TET2: variants seen among roughly 807,000 people sequenced by gnomAD.
The protein encoded by TET2 is tet methylcytosine dioxygenase 2.
A neutral mutation model predicts 142.9 loss-of-function variants in TET2; 299 were observed. The ratio of observed to expected loss-of-function variants is 2.09; its 90% CI spans 1.90 to 2.30. The LOEUF (loss-of-function observed/expected upper bound fraction) is 2.30. Ranked by LOEUF, TET2 falls within the 30% of genes most tolerant of loss-of-function variation. The pLI, the probability that TET2 is intolerant of heterozygous loss-of-function variation, is 0.00. For missense variants in TET2, 2,418 were observed against 2,378.0 expected, an observed-to-expected ratio of 1.02 and a Z score of -0.35; for synonymous variants, 819 against 849.0, an observed-to-expected ratio of 0.96 and a Z score of 0.61.
chr4:105,239,136 A>G, intron 3 of TET2: 1 of 235,104 alleles, frequency 4.3e-6, no homozygotes. Flanking sequence ...TCAGTAAACT[A>G]TGTTGTAAAA....
At chr4:105,214,525 G>A (rs1332954092) in intron 2 of TET2, among the ~76,000 whole-genome samples, 1 of 129,694 alleles carries the variant, frequency 7.7e-6, no homozygotes, top group Non-Finnish European at 1.6e-5. Flanking sequence ...TGCCCAGTCT[G>A]GCCTCCAGCT....
intron 6 of TET2, among the ~76,000 whole-genome samples, chr4:105,249,097 A>G (rs142690163): frequency 6.0e-5 from 9 of 149,460 alleles, no homozygotes; most frequent in African/African-American, 2.0e-4. Flanking sequence ...GTGCAACCTC[A>G]GCTCACTGCA....
In TET2 at chr4:105,243,641, G is replaced by A. The variant is rs2110254984; in HGVS notation, c.3666G>A (p.Glu1222=). 1 of 1,551,616 alleles carries A rather than the reference G, an allele frequency of 6.4e-7. No homozygotes were observed. Among genetic ancestry groups the A allele is most frequent in the South Asian group, 1.2e-5 (1 of 84,046 alleles). The change falls in exon 6 of 11, where the codon GAG becomes GAA. Residue 1222 remains glutamate, a synonymous_variant. Coordinates refer to ENST00000380013, the MANE Select transcript of TET2 (RefSeq NM_001127208.3). ...LVRERAGHTC[E]AAVIVILILV... ...GGGAGCGAGCTGGCCACACCTGTGA[G>A]GCTGCAGTGATTGTGATTCTCATCC...
chr4:105,163,289 CATTGCCACCTGG>C (rs1242096549), intron 1 of TET2, among the ~76,000 whole-genome samples: 1 of 152,120 alleles, frequency 6.6e-6, no homozygotes, highest in African/African-American at 2.4e-5. Context: ...GCTTATAAGA[CATTGCCACCTGG>C]ATTGCCACCA....
At position 105,272,921 on chromosome 4, in the gene TET2, A is replaced by C; in HGVS notation, c.4537+3A>C. 6.6e-7 allele frequency: 1 copy of C among 1,517,442 alleles called. No homozygotes were observed. The highest frequency in any genetic ancestry group is 8.8e-7 in the Non-Finnish European group (1 of 1,132,452). 94.0% of individuals were successfully genotyped at this position (1,517,442 alleles called of 1,614,324 possible). On this transcript the variant is annotated splice_donor_region_variant and intron_variant, in intron 10 of 10. Coordinates refer to ENST00000380013, the MANE Select transcript of TET2 (RefSeq NM_001127208.3). ...AAGCCAGGCTAAACAGTTGGCAGGT[A>C]AATTTAATGTAAAGCATTTGTAGAT...
chr4:105,209,983 T>C (rs2110541404), intron 2 of TET2, among the ~76,000 whole-genome samples: 1 of 152,290 alleles, frequency 6.6e-6, no homozygotes, highest in Non-Finnish European at 1.5e-5. Flanking sequence ...AATAAGAACA[T>C]AGAACCGATA....
chr4:105,276,798 C>A lies in TET2; in HGVS notation c.*279C>A. 1 of 352,306 alleles carries A rather than the reference C, an allele frequency of 2.8e-6. No homozygotes were observed. Among genetic ancestry groups the A allele is most frequent in the Non-Finnish European group, 5.2e-6 (1 of 191,356 alleles). 21.8% of individuals were successfully genotyped at this position (352,306 alleles called of 1,614,324 possible). A position where few individuals can be genotyped will look rare whatever the true frequency, so the allele number is the denominator to read the frequency against. ...GTGTTCCGCAATTTACATTTTTAAA[C>A]ACTGGTTCTATTATTGGACGAGATG... On this transcript the variant is annotated 3_prime_UTR_variant, in exon 11 of 11. Transcript: ENST00000380013.
At chr4:105,167,440 A>G (rs936992858) in intron 1 of TET2, among the ~76,000 whole-genome samples, 7 of 151,834 alleles carry the variant, frequency 4.6e-5, no homozygotes, top group South Asian at 2.1e-4. Flanking sequence ...GTATATGTAC[A>G]TGTAGTATAT....
chr4:105,252,668 A>C (rs761553446), intron 6 of TET2, among the ~76,000 whole-genome samples: 6 of 152,198 alleles, frequency 3.9e-5, no homozygotes, highest in Non-Finnish European at 7.4e-5. Flanking sequence ...CTAGGTTATC[A>C]GTTAATTCAT....
At chr4:105,268,782 G>A (rs931579813) in intron 8 of TET2, among the ~76,000 whole-genome samples, 1 of 152,056 alleles carries the variant, frequency 6.6e-6, no homozygotes, top group Non-Finnish European at 1.5e-5. Flanking sequence ...GACCAGCCTG[G>A]CCAACATGGC....
intron 1 of TET2, among the ~76,000 whole-genome samples, chr4:105,182,006 A>T (rs1328808102): frequency 6.6e-6 from 1 of 152,070 alleles, no homozygotes; most frequent in Admixed American, 6.5e-5. Context: ...ATGTAATTTT[A>T]TGTATAATTC....
chr4:105,237,548 C>A (rs1346392049), intron 3 of TET2, 197 bp downstream of exon 3: 1 of 1,536,688 alleles, frequency 6.5e-7, no homozygotes, highest in Non-Finnish European at 8.7e-7. Flanking sequence ...CACTTACATG[C>A]AGTTTTTCCA....
intron 4 of TET2, chr4:105,241,883 AAG>A (rs2110250478): frequency 1.6e-6 from 2 of 1,247,256 alleles, no homozygotes; most frequent in South Asian, 4.1e-5. Flanking sequence ...TTACCATAAA[AAG>A]AGAGCAAGTG....
chr4:105,224,709 TC>T (rs1728074996), intron 2 of TET2, among the ~76,000 whole-genome samples: 1 of 150,958 alleles, frequency 6.6e-6, no homozygotes, highest in African/African-American at 2.4e-5. Flanking sequence ...TCTCTCTCTC[TC>T]TCTCTCTCTC....
At chr4:105,183,431 A>G (rs1364923339) in intron 1 of TET2, among the ~76,000 whole-genome samples, 1 of 152,142 alleles carries the variant, frequency 6.6e-6, no homozygotes, top group African/African-American at 2.4e-5. Context: ...ATTCATTTCA[A>G]TAACTCTTTT....
At chr4:105,251,759 C>T (rs1194198499) in intron 6 of TET2, among the ~76,000 whole-genome samples, 1 of 152,050 alleles carries the variant, frequency 6.6e-6, no homozygotes, top group Non-Finnish European at 1.5e-5. Flanking sequence ...GGAAATGTTC[C>T]CTTCTCTATC....
At chr4:105,233,062 C>T (rs751483545) in intron 2 of TET2, among the ~76,000 whole-genome samples, 9 of 152,010 alleles carry the variant, frequency 5.9e-5, no homozygotes, top group Admixed American at 2.6e-4. Flanking sequence ...GAAGGGCAGA[C>T]GGGGCTAGGG....
chr4:105,242,033 A>T, intron 4 of TET2: 1 of 1,238,534 alleles, frequency 8.1e-7, no homozygotes, highest in South Asian at 4.3e-5. Context: ...AATGCAGAGA[A>T]GGCCTTTCAT....
chr4:105,153,173 T>TC (rs1265083430), intron 1 of TET2, among the ~76,000 whole-genome samples: 1 of 152,128 alleles, frequency 6.6e-6, no homozygotes, highest in African/African-American at 2.4e-5. Flanking sequence ...TTGCTCAATT[T>TC]CCCCCAGTGG....
Sources: allele counts gnomAD v4.1 joint callset (sites outside exome capture counted in the v4.1 genomes callset), GRCh38; gene constraint gnomAD v4.1.1; transcripts MANE v1.5; gene names NCBI Gene and HGNC (gene_info 2026-07-23, HGNC 2026-07-21).